The following MAST3 variants were observed in gnomAD, a reference collection of about 807,000 sequenced individuals.
The protein encoded by MAST3 is microtubule-associated serine/threonine-protein kinase 3.
In MAST3, 43 loss-of-function variants were observed where a neutral mutation model predicts 127.0. The observed-to-expected ratio is 0.34, with a 90% confidence interval of 0.27 to 0.44. The LOEUF is 0.44. Ranked by LOEUF, MAST3 falls within the 20% of genes least tolerant of loss-of-function variation. The pLI is 1.00. For synonymous variants in MAST3, 785 were observed against 809.2 expected, an observed-to-expected ratio of 0.97 and a Z score of 0.51; for missense variants, 1,390 against 1,919.1, an observed-to-expected ratio of 0.72 and a Z score of 5.15.
chr19:18,128,252 G>A (rs1188288015), intron 11 of MAST3, 148 bp from the exon 12 acceptor site: 3 of 596,772 alleles, frequency 5.0e-6, no homozygotes, highest in Non-Finnish European at 8.8e-6. Context: ...CCTCCCGGAT[G>A]TGGCTTCATG....
intron 3 of MAST3, among the ~76,000 whole-genome samples, chr19:18,111,530 CTTTT>C (rs576984210): frequency 0.12 from 12,594 of 102,868 alleles, 674 homozygotes; most frequent in Middle Eastern, 0.19. Flanking sequence ...TTTCCACAGA[CTTTT>C]TTTTTTTTTT....
In MAST3 at chr19:18,149,706, G is replaced by C. The variant is rs372189968; in HGVS notation, c.4024G>C (p.Gly1342Arg). The C allele has an allele frequency of 6.2e-7, 1 of 1,612,766 alleles. No homozygotes were observed. Among genetic ancestry groups the C allele is most frequent in the Non-Finnish European group, 8.5e-7 (1 of 1,179,804 alleles). ...EGEEAVPVAL[G>R]PTGRD ...CGAGGAAGCCGTGCCAGTAGCTCTC[G>C]GGCCCACCGGAAGAGACTGATCCCC... The change falls in exon 28 of 28, where the codon GGG becomes CGG. Residue 1342 changes from glycine (G) to arginine (R), a missense_variant. Physicochemically the swap from Gly to Arg is moderately radical, Grantham distance 125. Transcript: ENST00000687212. The surrounding 1 kb of genome is among the most constrained non-coding windows in gnomAD (Gnocchi z 5.9).
intron 20 of MAST3, 132 bp downstream of exon 20, chr19:18,139,256 G>T: frequency 1.5e-6 from 1 of 655,442 alleles, no homozygotes; most frequent in Non-Finnish European, 2.7e-6. Flanking sequence ...GCCCAGGCTG[G>T]TCTCCAACTC....
chr19:18,131,924 C>A lies in MAST3; in HGVS notation c.1448C>A (p.Thr483Lys). The A allele has an allele frequency of 6.2e-7, 1 of 1,601,608 alleles. No homozygotes were observed. The highest frequency in any genetic ancestry group is 8.5e-7 in the Non-Finnish European group (1 of 1,174,720). Reference sequence around the variant, plus strand: ...CTTCTCCCAGGCGGCGACTGCGCCACGCTCCTGAAGAACATGGGCCCGCTG... The same window carrying A: ...CTTCTCCCAGGCGGCGACTGCGCCAAGCTCCTGAAGAACATGGGCCCGCTG... Reference protein sequence around the residue: ...MEYVEGGDCATLLKNMGPLPV... With the variant: ...MEYVEGGDCAKLLKNMGPLPV... Residue 483 changes from threonine to lysine, a missense_variant, in exon 15 of 28, where the codon ACG becomes AAG. This residue lies in a region of MAST3 where 191 missense variants were observed against 409.0 expected (regional missense o/e 0.47). Coordinates refer to ENST00000687212, the MANE Select transcript of MAST3 (RefSeq NM_001393504.1).
chr19:18,138,511 T>G (rs955628313), intron 19 of MAST3, among the ~76,000 whole-genome samples: 3 of 152,024 alleles, frequency 2.0e-5, no homozygotes, highest in African/African-American at 7.2e-5. Flanking sequence ...AATTATTTAT[T>G]TTTTGAGATG....
intron 11 of MAST3, among the ~76,000 whole-genome samples, chr19:18,126,114 C>T (rs1453817536): frequency 2.6e-5 from 4 of 151,826 alleles, no homozygotes; most frequent in Admixed American, 2.0e-4. Context: ...CCCAGCTACT[C>T]AGGAGGCTAA....
chr19:18,119,784 G>A (rs1232601649), intron 3 of MAST3, among the ~76,000 whole-genome samples: 1 of 152,174 alleles, frequency 6.6e-6, no homozygotes, highest in Non-Finnish European at 1.5e-5. Flanking sequence ...TCTTCTCCCT[G>A]CCCACCTTGT....
chr19:18,114,064 A>C (rs537164612), intron 3 of MAST3, among the ~76,000 whole-genome samples: 1 of 151,926 alleles, frequency 6.6e-6, no homozygotes, highest in Non-Finnish European at 1.5e-5. Flanking sequence ...TCACATCCTC[A>C]TCAAGGCCTC....
Position 18,149,478 on chromosome 19 carries a change from G to C in MAST3, c.3796G>C (p.Gly1266Arg). 1 of 1,543,590 alleles carries C rather than the reference G, an allele frequency of 6.5e-7. No individual in the cohort carries two copies. Among genetic ancestry groups the C allele is most frequent in the Non-Finnish European group, 8.7e-7 (1 of 1,144,860 alleles). ...LRRGQSADKLGTGERLDGEAG... is the reference protein window; with the variant it reads ...LRRGQSADKLRTGERLDGEAG... Reference sequence around the variant, plus strand: ...CCGGGGCCAGTCAGCTGACAAGCTGGGCACAGGGGAGCGGCTGGATGGGGA... The same window carrying C: ...CCGGGGCCAGTCAGCTGACAAGCTGCGCACAGGGGAGCGGCTGGATGGGGA... The change falls in exon 28 of 28, where the codon GGC (glycine) becomes CGC (arginine). Residue 1266 changes from glycine (G) to arginine (R), a missense_variant. Physicochemically the swap from Gly to Arg is moderately radical, Grantham distance 125. Coordinates refer to ENST00000687212, the MANE Select transcript of MAST3 (RefSeq NM_001393504.1). This position sits in a 1 kb window ranked among gnomAD's most constrained non-coding sequence, Gnocchi z 5.9.
Position 18,147,483 on chromosome 19 carries a change from G to C in MAST3, c.3367G>C (p.Val1123Leu). Residue 1123 changes from valine to leucine, a missense_variant, in exon 27 of 28, where the codon GTG becomes CTG. By Grantham distance (32) the Val-to-Leu change is conservative. This residue lies in a region of MAST3 where 816 missense variants were observed against 934.1 expected (regional missense o/e 0.87). Coordinates refer to ENST00000687212, the MANE Select transcript of MAST3 (RefSeq NM_001393504.1). Reference sequence around the variant, plus strand: ...CAAGAAGATCTCCAAGCAGACCTCCGTGCTGCACACCAGCCGCAGCTTCTC... The same window carrying C: ...CAAGAAGATCTCCAAGCAGACCTCCCTGCTGCACACCAGCCGCAGCTTCTC... The part of the protein sequence containing the change: ...LFKKISKQTS[V>L]LHTSRSFSSG... The C allele has an allele frequency of 6.2e-7, 1 of 1,613,126 alleles. No homozygotes were observed. The highest frequency in any genetic ancestry group is 8.5e-7 in the Non-Finnish European group (1 of 1,179,636).
Position 18,123,973 on chromosome 19 carries a change from T to A in MAST3, c.668T>A (p.Phe223Tyr), listed in dbSNP as rs2040296299. ...TAQMEGRLQE[F>Y]LTAYAPGARL... The stretch of plus-strand genomic sequence containing the variant: ...CAGATGGAGGGCCGTCTGCAGGAGT[T>A]CCTGACGGCCTACGCGCCCGGCGCC... The change falls in exon 9 of 28, where the codon TTC (phenylalanine) becomes TAC (tyrosine). Residue 223 changes from phenylalanine to tyrosine, a missense_variant. Physicochemically the swap from Phe to Tyr is conservative, Grantham distance 22 (BLOSUM62 3). Coordinates refer to ENST00000687212, the MANE Select transcript of MAST3 (RefSeq NM_001393504.1). 1 of 1,581,072 alleles carries A rather than the reference T, an allele frequency of 6.3e-7. No homozygotes were observed. Among genetic ancestry groups the A allele is most frequent in the African/African-American group, 1.4e-5 (1 of 74,034 alleles).
Position 18,149,214 on chromosome 19 carries a change from G to A in MAST3, c.3532G>A (p.Ala1178Thr), listed in dbSNP as rs769471130. The A allele has an allele frequency of 9.7e-6, 15 of 1,543,744 alleles. No homozygotes were observed. The highest frequency in any genetic ancestry group is 4.8e-5 in the South Asian group (4 of 82,528). ...PADTTASPPS[A>T]SPSSSSPASP... ...AGATACCACTGCATCCCCACCCAGCGCATCCCCGAGCTCCAGCAGCCCCGC... is the reference window on the plus strand; with the variant it reads ...AGATACCACTGCATCCCCACCCAGCACATCCCCGAGCTCCAGCAGCCCCGC... The change falls in exon 28 of 28, where the codon GCA becomes ACA. Residue 1178 changes from alanine to threonine, a missense_variant. Ala to Thr is a moderately conservative substitution (Grantham distance 58). Transcript: ENST00000687212. The surrounding 1 kb of genome is among the most constrained non-coding windows in gnomAD (Gnocchi z 5.9).
At chr19:18,142,149 G>A in intron 21 of MAST3, 134 bp downstream of exon 21, 2 of 991,754 alleles carry the variant, frequency 2.0e-6, no homozygotes, top group Non-Finnish European at 1.3e-6. Flanking sequence ...AGCCTATCAG[G>A]TCCCTGGCAA....
intron 18 of MAST3, 73 bp downstream of exon 18, chr19:18,135,914 G>A (rs868598905): frequency 2.6e-5 from 30 of 1,174,718 alleles, no homozygotes; most frequent in Non-Finnish European, 2.9e-5. Flanking sequence ...GAGGGATAGC[G>A]CCCGGGGTAG....
At chr19:18,146,008 C>T in intron 25 of MAST3, 143 bp downstream of exon 25, 1 of 1,050,200 alleles carries the variant, frequency 9.5e-7, no homozygotes. Flanking sequence ...TTCCTTCGGC[C>T]CAGAATACAT....
At chr19:18,118,454 G>A (rs1348380775) in intron 3 of MAST3, among the ~76,000 whole-genome samples, 3 of 152,164 alleles carry the variant, frequency 2.0e-5, no homozygotes, top group African/African-American at 7.2e-5. Flanking sequence ...CCTGGACTGG[G>A]GTGTCTGTCC....
rs553683213 is a variant in MAST3 at position 18,106,072 on chromosome 19, TA to T, written c.40-1513del. ...CTTCTTCATAAATACAACTAATTGG[TA>T]ATTTTAAATAAAATTATTATTAATT... On this transcript the variant is annotated intron_variant, in intron 1 of 27. Coordinates refer to ENST00000687212, the MANE Select transcript of MAST3 (RefSeq NM_001393504.1). Among the ~76,000 whole-genome samples, 6 of 152,164 alleles carry T rather than the reference TA, an allele frequency of 3.9e-5. No individual in the cohort carries two copies. In the South Asian group the frequency reaches 1.2e-3, roughly 32 times the overall value.
chr19:18,107,000 G>C (rs1346700483), intron 1 of MAST3, among the ~76,000 whole-genome samples: 2 of 80,694 alleles, frequency 2.5e-5, no homozygotes, highest in African/African-American at 6.1e-5. Flanking sequence ...TTTTTTTGTA[G>C]AGACGGGGTT....
chr19:18,147,098 C>CTTT, intron 26 of MAST3, 54 bp downstream of exon 26: 1 of 1,199,374 alleles, frequency 8.3e-7, no homozygotes, highest in Non-Finnish European at 1.1e-6. Flanking sequence ...TTTTCTTTTT[C>CTTT]CTTTTTTTTT....
Sources: gnomAD v4.1 joint callset for allele counts (sites outside exome capture counted in the v4.1 genomes callset) on GRCh38, gnomAD v4.1.1 for gene constraint, gnomAD v4.1.1 regional missense constraint, Gnocchi (gnomAD v3.1) non-coding constraint, MANE v1.5 for transcripts, NCBI Gene and HGNC (gene_info 2026-07-23, HGNC 2026-07-21) for gene names.